ADAM10: variants seen among roughly 807,000 people sequenced by gnomAD.
ADAM10 encodes disintegrin and metalloproteinase domain-containing protein 10.
ADAM10 carries 17 observed loss-of-function variants against 90.1 expected under a neutral mutation model. The ratio of observed to expected loss-of-function variants is 0.19; its 90% CI spans 0.13 to 0.28. ADAM10 has a LOEUF of 0.28. Among genes scored for constraint, ADAM10 ranks in the 10% least tolerant of loss-of-function variants. The pLI is 1.00. For missense variants in ADAM10, 610 were observed against 914.3 expected (o/e 0.67, Z 4.29); for synonymous variants, 310 against 298.6 (o/e 1.04, Z -0.40).
chr15:58,739,178 G>A (rs1431656458), intron 1 of ADAM10, among the ~76,000 whole-genome samples: 1 of 152,134 alleles, frequency 6.6e-6, no homozygotes, highest in Non-Finnish European at 1.5e-5. Context: ...ATGGATACAA[G>A]TGAATTTTAT....
At chr15:58,738,698 T>C (rs1355853824) in intron 1 of ADAM10, among the ~76,000 whole-genome samples, 1 of 152,228 alleles carries the variant, frequency 6.6e-6, no homozygotes, top group African/African-American at 2.4e-5. Flanking sequence ...TTAAAATCTA[T>C]TGAATGTATT....
Position 58,673,942 on chromosome 15 carries a change from C to T in ADAM10, c.484+5182G>A, listed in dbSNP as rs137961869. ...GTAGAGACGGGGTTTCACTGTTTAG[C>T]CAGGATGGTCTTGATCTCCTGACCT... On this transcript the variant is annotated intron_variant, in intron 4 of 15. Transcript: ENST00000260408. Among the ~76,000 whole-genome samples, 921 of 152,176 alleles carry T rather than the reference C, an allele frequency of 6.1e-3. 4 individuals are homozygous for T. Among genetic ancestry groups the T allele is most frequent in the African/African-American group, 0.021 (859 of 41,518 alleles).
intron 1 of ADAM10, among the ~76,000 whole-genome samples, chr15:58,745,466 A>G (rs1230859977): frequency 6.6e-6 from 1 of 152,220 alleles, no homozygotes; most frequent in Non-Finnish European, 1.5e-5. Context: ...GAGAGACTGT[A>G]ACGATCATTC....
intron 11 of ADAM10, among the ~76,000 whole-genome samples, chr15:58,619,962 T>C (rs1436407320): frequency 6.6e-6 from 1 of 151,738 alleles, no homozygotes; most frequent in Non-Finnish European, 1.5e-5. Flanking sequence ...TCAAGAAAAG[T>C]GTGCGACTTT....
Position 58,749,487 on chromosome 15 carries a change from C to A in ADAM10, c.48G>T (p.Gly16=), listed in dbSNP as rs1194080009. ...VLILLLSWAA[G]MGGQYGNPLN... Reference sequence around the variant, plus strand: ...CTCGCAGTCGTGCCTCACCTCCCATCCCCGCCGCCCAGGAGAGGAGCAGAA... The same window carrying A: ...CTCGCAGTCGTGCCTCACCTCCCATACCCGCCGCCCAGGAGAGGAGCAGAA... Residue 16 remains glycine (G), a synonymous_variant, in exon 1 of 16, where the codon GGG becomes GGT. Coordinates refer to ENST00000260408, the MANE Select transcript of ADAM10 (RefSeq NM_001110.4). The A allele has an allele frequency of 1.9e-6, 3 of 1,551,532 alleles. No homozygotes were observed. In the Admixed American group the frequency reaches 5.8e-5, roughly 30 times the overall value.
chr15:58,722,726 CTT>C (rs71116592), intron 1 of ADAM10, among the ~76,000 whole-genome samples: 20 of 103,986 alleles, frequency 1.9e-4, no homozygotes, highest in East Asian at 3.6e-4. Context: ...AATTTGAGAA[CTT>C]TTTTTTTTTT....
At position 58,620,585 on chromosome 15, in the gene ADAM10, CTAAA is replaced by C. The variant is rs529756971; in HGVS notation, c.1511+882_1511+885del. Among the ~76,000 whole-genome samples the C allele has an allele frequency of 1.2e-4, 18 of 151,102 alleles. No individual in the cohort carries two copies. In the South Asian group the frequency reaches 2.3e-3, roughly 19 times the overall value. On this transcript the variant is annotated intron_variant, in intron 11 of 15. Transcript: ENST00000260408. Reference sequence around the variant, plus strand: ...GAAAAGTAAATGGATTCCACATTAACTAAATATTTAAAGTTAAGATTTTTAAAAT... The same window carrying C: ...GAAAAGTAAATGGATTCCACATTAACTATTTAAAGTTAAGATTTTTAAAAT...
At chr15:58,686,518 A>G in intron 2 of ADAM10, 1 of 1,423,304 alleles carries the variant, frequency 7.0e-7, no homozygotes, top group Non-Finnish European at 9.8e-7. Flanking sequence ...CAGAGCTTCA[A>G]CAGTACTGTA....
In ADAM10 at chr15:58,647,246, G is replaced by GTCTTTTT. The variant is rs1323960397; in HGVS notation, c.586-1043_586-1042insAAAAAGA. On this transcript the variant is annotated intron_variant, in intron 5 of 15. Transcript: ENST00000260408. ...CTTGGCAGCAAAGAGTAGACACTAAGTATTTTTTTTTTTTTTTTTTTTTTT... is the reference window on the plus strand; with the variant it reads ...CTTGGCAGCAAAGAGTAGACACTAAGTCTTTTTTATTTTTTTTTTTTTTTTTTTTTTT... 4.1e-4 allele frequency among the ~76,000 whole-genome samples: 15 copies of GTCTTTTT among 36,850 alleles called. 1 individual carries two copies. The highest frequency in any genetic ancestry group is 9.6e-4 in the African/African-American group (13 of 13,602). 24.2% of individuals were successfully genotyped at this position (36,850 alleles called of 152,430 possible).
At chr15:58,697,388 C>T (rs1208196878) in intron 2 of ADAM10, among the ~76,000 whole-genome samples, 2 of 152,108 alleles carry the variant, frequency 1.3e-5, no homozygotes, top group Non-Finnish European at 2.9e-5. Flanking sequence ...TGGGGATCAC[C>T]CCACCCCTGC....
chr15:58,743,850 C>T (rs532153001), intron 1 of ADAM10, among the ~76,000 whole-genome samples: 53 of 152,150 alleles, frequency 3.5e-4, no homozygotes, highest in Non-Finnish European at 6.6e-4. Flanking sequence ...TCAGGTGATC[C>T]GCCTGCCTCA....
At chr15:58,655,737 A>T in intron 5 of ADAM10, among the ~76,000 whole-genome samples, 1 of 91,142 alleles carries the variant, frequency 1.1e-5, no homozygotes, top group Non-Finnish European at 2.1e-5. Context: ...ATATATATAT[A>T]TATTCTTTTT....
At chr15:58,638,040 C>A (rs1374873497) in intron 8 of ADAM10, among the ~76,000 whole-genome samples, 1 of 152,248 alleles carries the variant, frequency 6.6e-6, no homozygotes, top group East Asian at 1.9e-4. Context: ...AACCTACACT[C>A]GAAAAAGTTG....
At chr15:58,617,062 T>C (rs533090092) in intron 11 of ADAM10, among the ~76,000 whole-genome samples, 5 of 152,008 alleles carry the variant, frequency 3.3e-5, no homozygotes, top group South Asian at 2.1e-4. Context: ...TGAGCCGAGA[T>C]TGCACCACTG....
rs1894867475 is a variant in ADAM10 at position 58,593,194 on chromosome 15, T to C, written c.*4353A>G. Reference sequence around the variant, plus strand: ...TTTTTTTTTTTTTTTTTTTTTTTTTTTTTGAGACAGAGTCTCGCTCTGTCA... The same window carrying C: ...TTTTTTTTTTTTTTTTTTTTTTTTTCTTTGAGACAGAGTCTCGCTCTGTCA... On this transcript the variant is annotated 3_prime_UTR_variant, in exon 16 of 16. Coordinates refer to ENST00000260408, the MANE Select transcript of ADAM10 (RefSeq NM_001110.4). 1 of 74,824 alleles carries C rather than the reference T, an allele frequency of 1.3e-5. No individual in the cohort carries two copies. Among genetic ancestry groups the C allele is most frequent in the Non-Finnish European group, 2.5e-5 (1 of 40,714 alleles). The allele number at this position is 74,824 out of a possible 1,614,324, so 4.6% of individuals were successfully genotyped here.
At chr15:58,660,792 A>G (rs1896948126) in intron 5 of ADAM10, among the ~76,000 whole-genome samples, 1 of 152,218 alleles carries the variant, frequency 6.6e-6, no homozygotes, top group Non-Finnish European at 1.5e-5. Flanking sequence ...AATTCCTGCA[A>G]ACTTTTTCTG....
intron 1 of ADAM10, among the ~76,000 whole-genome samples, chr15:58,721,612 C>A: frequency 6.6e-6 from 1 of 152,166 alleles, no homozygotes; most frequent in East Asian, 1.9e-4. Context: ...AGGTCAGATG[C>A]AGTAGCTCAC....
intron 4 of ADAM10, chr15:58,673,000 T>A (rs1897233769): frequency 4.7e-6 from 1 of 212,536 alleles, no homozygotes; most frequent in South Asian, 8.7e-5. Context: ...AACTCACTCC[T>A]TTTAAAGAAA....
rs1162141244 is a variant in ADAM10, at chr15:58,589,041, T to TA, written c.*8505dup. ...CCACAGGATTTAGAATGAGATATGT[T>TA]AAAAGTTAAAAATACAGCTGTTGGT... On this transcript the variant is annotated 3_prime_UTR_variant, in exon 16 of 16. Transcript: ENST00000260408. 2 of 152,234 alleles carry TA rather than the reference T, an allele frequency of 1.3e-5. No homozygotes were observed. The highest frequency in any genetic ancestry group is 2.9e-5 in the Non-Finnish European group (2 of 68,024). The allele number at this position is 152,234 out of a possible 1,614,324, so 9.4% of individuals were successfully genotyped here.
Sources: allele counts gnomAD v4.1 joint callset (sites outside exome capture counted in the v4.1 genomes callset), GRCh38; gene constraint gnomAD v4.1.1; transcripts MANE v1.5; gene names NCBI Gene and HGNC (gene_info 2026-07-23, HGNC 2026-07-21).